The following EXOC4 variants were observed in gnomAD, a reference collection of about 807,000 sequenced individuals.
EXOC4 encodes the protein exocyst complex component 4.
EXOC4 carries 71 observed loss-of-function variants against 107.2 expected under a neutral mutation model. That is an observed-to-expected ratio of 0.66 (90% CI 0.55 to 0.81). The LOEUF is 0.81. Ranked by LOEUF, EXOC4 falls within the 30% of genes least tolerant of loss-of-function variation. The pLI is 0.00. For synonymous variants in EXOC4, 456 were observed against 441.2 expected (o/e 1.03, Z -0.42); for missense variants, 1,108 against 1,189.6 (o/e 0.93, Z 1.01).
intron 10 of EXOC4, among the ~76,000 whole-genome samples, chr7:133,688,029 A>G (rs1453585452): frequency 6.6e-6 from 1 of 152,162 alleles, no homozygotes; most frequent in East Asian, 1.9e-4. Flanking sequence ...TTTGCCTTCA[A>G]GCTCCCTTAA....
intron 5 of EXOC4, among the ~76,000 whole-genome samples, chr7:133,317,972 T>G (rs555371730): frequency 6.6e-6 from 1 of 152,342 alleles, no homozygotes; most frequent in Admixed American, 6.5e-5. Flanking sequence ...AGCACTGTTT[T>G]TCTAAAGTTG....
chr7:133,545,890 C>T (rs923813078), intron 9 of EXOC4, among the ~76,000 whole-genome samples: 8 of 152,148 alleles, frequency 5.3e-5, no homozygotes, highest in Non-Finnish European at 1.0e-4. Flanking sequence ...AAATGAAAAT[C>T]CCTGATTACC....
At chr7:133,630,721 T>C (rs534128275) in intron 10 of EXOC4, among the ~76,000 whole-genome samples, 2 of 152,300 alleles carry the variant, frequency 1.3e-5, no homozygotes, top group South Asian at 2.1e-4. Context: ...CTCTGAAATA[T>C]GATTTATAAA....
chr7:133,906,722 C>T (rs1019734212), intron 12 of EXOC4, among the ~76,000 whole-genome samples: 35 of 152,332 alleles, frequency 2.3e-4, no homozygotes, highest in Non-Finnish European at 4.4e-5. Context: ...GCAGACCCAC[C>T]GCTGACTTCC....
intron 7 of EXOC4, among the ~76,000 whole-genome samples, chr7:133,377,722 T>TA (rs1194899706): frequency 1.3e-5 from 2 of 151,960 alleles, no homozygotes; most frequent in Non-Finnish European, 2.9e-5. Context: ...AATCAACACA[T>TA]ACGCACATTA....
In EXOC4 at chr7:133,792,110, G is replaced by A. The variant is rs1796715264; in HGVS notation, c.1515-25215G>A. Among the ~76,000 whole-genome samples, 5 of 152,172 alleles carry A rather than the reference G, an allele frequency of 3.3e-5. No homozygotes were observed. The South Asian group carries it at 1.0e-3, about 32-fold the overall frequency. ...CCCAGCAGTTTTACTCGTGGCATCG[G>A]GCAGTTCACAGACCCCATCATGAGG... On this transcript the variant is annotated intron_variant, in intron 10 of 17. Coordinates refer to ENST00000253861, the MANE Select transcript of EXOC4 (RefSeq NM_021807.4).
chr7:133,766,276 G>A (rs1179784123), intron 10 of EXOC4, among the ~76,000 whole-genome samples: 1 of 151,926 alleles, frequency 6.6e-6, no homozygotes, highest in Non-Finnish European at 1.5e-5. Flanking sequence ...TCATGCATCT[G>A]GTTATGTTGG....
chr7:133,445,672 A>G (rs1271710128), intron 7 of EXOC4, among the ~76,000 whole-genome samples: 1 of 152,002 alleles, frequency 6.6e-6, no homozygotes, highest in South Asian at 2.1e-4. Flanking sequence ...TGGTAATTCT[A>G]ATGTGCAGCA....
chr7:133,328,358 T>C (rs548266436), intron 5 of EXOC4, among the ~76,000 whole-genome samples: 60 of 152,298 alleles, frequency 3.9e-4, no homozygotes, highest in African/African-American at 1.4e-3. Context: ...TACAGCACAC[T>C]GCTGGGTCTT....
chr7:133,963,200 G>T (rs1237454417), intron 14 of EXOC4, among the ~76,000 whole-genome samples: 1 of 152,264 alleles, frequency 6.6e-6, no homozygotes, highest in Non-Finnish European at 1.5e-5. Flanking sequence ...AGGTATCACA[G>T]AAAGGTTGTT....
chr7:133,688,590 A>G (rs1794356618), intron 10 of EXOC4, among the ~76,000 whole-genome samples: 3 of 152,162 alleles, frequency 2.0e-5, no homozygotes, highest in African/African-American at 7.2e-5. Context: ...TGGCCTGAAT[A>G]TATTTTTAAA....
intron 9 of EXOC4, among the ~76,000 whole-genome samples, chr7:133,523,958 C>T (rs1254456102): frequency 1.3e-5 from 2 of 151,004 alleles, no homozygotes; most frequent in Admixed American, 6.6e-5. Flanking sequence ...GGTATATACC[C>T]AGTAATGGGA....
intron 11 of EXOC4, among the ~76,000 whole-genome samples, chr7:133,844,907 C>T (rs1798093662): frequency 6.6e-6 from 1 of 152,064 alleles, no homozygotes; most frequent in South Asian, 2.1e-4. Flanking sequence ...CCCATGTCCA[C>T]ATTAAAACCA....
chr7:134,035,496 A>C (rs1795369067), intron 17 of EXOC4, among the ~76,000 whole-genome samples: 1 of 152,230 alleles, frequency 6.6e-6, no homozygotes, highest in Non-Finnish European at 1.5e-5. Context: ...TAACCATAAA[A>C]TACTAGAAGA....
chr7:133,277,897 T>C (rs1302240670), intron 2 of EXOC4, among the ~76,000 whole-genome samples: 3 of 152,246 alleles, frequency 2.0e-5, no homozygotes, highest in Non-Finnish European at 4.4e-5. Flanking sequence ...AATTACACTT[T>C]GGATTATATA....
intron 13 of EXOC4, among the ~76,000 whole-genome samples, chr7:133,930,216 G>A (rs1800145939): frequency 6.6e-6 from 1 of 152,136 alleles, no homozygotes; most frequent in Non-Finnish European, 1.5e-5. Flanking sequence ...ACTGTATCAT[G>A]CATGTTATAC....
intron 14 of EXOC4, among the ~76,000 whole-genome samples, chr7:133,974,529 C>T (rs186401078): frequency 2.8e-4 from 42 of 152,224 alleles, no homozygotes; most frequent in Admixed American, 2.2e-3. Context: ...ATTATTTGAT[C>T]GGTAGTACAC....
At chr7:133,990,718 C>T (rs763577489) in intron 14 of EXOC4, among the ~76,000 whole-genome samples, 25 of 152,214 alleles carry the variant, frequency 1.6e-4, no homozygotes, top group South Asian at 4.1e-4. Context: ...CCTCCTGAAG[C>T]GCTGGGATTA....
chr7:133,953,776 A>T (rs1201373923), intron 14 of EXOC4, among the ~76,000 whole-genome samples: 1 of 152,252 alleles, frequency 6.6e-6, no homozygotes, highest in Non-Finnish European at 1.5e-5. Context: ...GCTGTTTACA[A>T]TGTTGGCTAT....
Sources: gnomAD v4.1 joint callset for allele counts (sites outside exome capture counted in the v4.1 genomes callset) on GRCh38, gnomAD v4.1.1 for gene constraint, MANE v1.5 for transcripts, NCBI Gene and HGNC (gene_info 2026-07-23, HGNC 2026-07-21) for gene names.